The following STRAP variants were observed in gnomAD, a reference collection of about 807,000 sequenced individuals.
STRAP encodes serine/threonine kinase receptor associated protein.
Under a neutral mutation model 47.0 loss-of-function variants are expected in STRAP, and 16 were observed. The ratio of observed to expected loss-of-function variants is 0.34; its 90% CI spans 0.23 to 0.52. STRAP has a LOEUF of 0.52. Among genes scored for constraint, STRAP ranks in the 20% least tolerant of loss-of-function variants. The pLI, the probability that STRAP is intolerant of heterozygous loss-of-function variation, is 0.96. For synonymous variants in STRAP, 130 were observed against 142.7 expected (o/e 0.91, Z 0.63); for missense variants, 293 against 420.0 (o/e 0.70, Z 2.64).
intron 6 of STRAP, among the ~76,000 whole-genome samples, 169 bp from the exon 7 acceptor site, chr12:15,897,713 A>ATTTT (rs367620027): frequency 8.4e-6 from 1 of 118,716 alleles, no homozygotes; most frequent in South Asian, 2.7e-4. Context: ...TATCCATTTG[A>ATTTT]TTTTTTTTTT....
intron 9 of STRAP, among the ~76,000 whole-genome samples, chr12:15,901,528 G>A (rs953138863): frequency 3.9e-5 from 6 of 152,180 alleles, no homozygotes; most frequent in Admixed American, 2.6e-4. Context: ...CAAAGGCAAA[G>A]TGAAGCTGGA....
Position 15,903,086 on chromosome 12 carries a change from TAATGAGGAAAATG to T in STRAP, c.*112_*124del, listed in dbSNP as rs1339747678. The T allele has an allele frequency of 1.6e-6, 2 of 1,242,222 alleles. No homozygotes were observed. The highest frequency in any genetic ancestry group is 5.1e-5 in the East Asian group (2 of 38,952). The allele number at this position is 1,242,222 out of a possible 1,614,324, so 76.9% of individuals were successfully genotyped here. On this transcript the variant is annotated 3_prime_UTR_variant, in exon 10 of 10. Transcript: ENST00000419869. ...TGCTTAAGGCAGAAACAGCAGTAAA[TAATGAGGAAAATG>T]AATTAGCTCCAGTGCTGGAACAACT...
intron 9 of STRAP, among the ~76,000 whole-genome samples, chr12:15,902,595 C>T (rs1473250800): frequency 6.6e-6 from 1 of 152,178 alleles, no homozygotes; most frequent in Non-Finnish European, 1.5e-5. Context: ...GGGCCAGATC[C>T]TTCGAAGACA....
intron 1 of STRAP, 120 bp downstream of exon 1, chr12:15,882,939 C>T: frequency 7.4e-7 from 1 of 1,343,404 alleles, no homozygotes; most frequent in Non-Finnish European, 1.0e-6. Flanking sequence ...ATATTAACAT[C>T]TGAGATGAGA....
At chr12:15,884,377 C>A (rs140333737) in intron 2 of STRAP, among the ~76,000 whole-genome samples, 23 of 152,258 alleles carry the variant, frequency 1.5e-4, no homozygotes, top group Non-Finnish European at 2.8e-4. Context: ...CATGTCACTT[C>A]TCTACTAATG....
chr12:15,897,734 C>A (rs1342984834), intron 6 of STRAP, 148 bp from the exon 7 acceptor site: 6 of 280,534 alleles, frequency 2.1e-5, no homozygotes, highest in South Asian at 1.3e-4. Context: ...TTTTTTTTTG[C>A]TAACAGCTTT....
intron 9 of STRAP, among the ~76,000 whole-genome samples, chr12:15,902,228 T>C (rs1948109927): frequency 6.6e-6 from 1 of 152,122 alleles, no homozygotes; most frequent in Non-Finnish European, 1.5e-5. Flanking sequence ...CACCTCGGCC[T>C]CCCAAAGTGC....
At chr12:15,902,864 T>G in intron 9 of STRAP, 53 bp from the exon 10 acceptor site, 1 of 1,490,154 alleles carries the variant, frequency 6.7e-7, no homozygotes, top group Non-Finnish European at 8.9e-7. Context: ...CTTCTTTCTT[T>G]CATTAAGTTG....
rs1048228893 is a variant in STRAP at position 15,890,267 on chromosome 12, C to A, written c.330+258C>A. The stretch of plus-strand genomic sequence containing the variant: ...AAAAACATCTGAAAAGCTCAAGTAG[C>A]CTTCCCCAACTACTAATAGAAGGGA... On this transcript the variant is annotated intron_variant, in intron 3 of 9. Coordinates refer to ENST00000419869, the MANE Select transcript of STRAP (RefSeq NM_007178.4). The surrounding 1 kb of genome is among the most constrained non-coding windows in gnomAD (Gnocchi z 4.5). Among the ~76,000 whole-genome samples, 1 of 152,108 alleles carries A rather than the reference C, an allele frequency of 6.6e-6. No individual in the cohort carries two copies. The highest frequency in any genetic ancestry group is 1.9e-4 in the East Asian group (1 of 5,190).
At chr12:15,898,467 T>C (rs910734268) in intron 7 of STRAP, among the ~76,000 whole-genome samples, 2 of 152,134 alleles carry the variant, frequency 1.3e-5, no homozygotes, top group African/African-American at 4.8e-5. Flanking sequence ...AAGAACAGTG[T>C]GTGGGGGAAA....
chr12:15,896,542 GTT>G lies in STRAP; in HGVS notation c.638+1056_638+1057del, dbSNP rs371747383. 6.9e-6 allele frequency among the ~76,000 whole-genome samples: 1 copy of G among 145,354 alleles called. No homozygotes were observed. The highest frequency in any genetic ancestry group is 2.5e-5 in the African/African-American group (1 of 39,760). ...ATATATGTGGGTGTACAGTATTTGT[GTT>G]TTTTTTTTTAATTACTAGGACCATA... is the stretch of plus-strand genomic sequence containing the variant. On this transcript the variant is annotated intron_variant, in intron 6 of 9. Coordinates refer to ENST00000419869, the MANE Select transcript of STRAP (RefSeq NM_007178.4). This position sits in a 1 kb window ranked among gnomAD's most constrained non-coding sequence, Gnocchi z 4.1.
chr12:15,885,206 A>T lies in STRAP; in HGVS notation c.248+1530A>T, dbSNP rs1450715469. 8.9e-3 allele frequency among the ~76,000 whole-genome samples: 811 copies of T among 91,624 alleles called. 8 individuals carry two copies. The highest frequency in any genetic ancestry group is 0.047 in the African/African-American group (767 of 16,470). The allele number at this position is 91,624 out of a possible 152,430, so 60.1% of individuals were successfully genotyped here. A position where few individuals can be genotyped will look rare whatever the true frequency, so the allele number is the denominator to read the frequency against. ...TTTTTTTTTTTTTTTTTTTTTTTTT[A>T]AAGACAGAGTCTTGCTATGTCCCCA... On this transcript the variant is annotated intron_variant, in intron 2 of 9. Transcript: ENST00000419869.
At position 15,895,487 on chromosome 12, in the gene STRAP, G is replaced by A; in HGVS notation, c.629G>A (p.Ser210Asn). 1 of 1,597,134 alleles carries A rather than the reference G, an allele frequency of 6.3e-7. No individual in the cohort carries two copies. The highest frequency in any genetic ancestry group is 8.5e-7 in the Non-Finnish European group (1 of 1,175,536). The stretch of plus-strand genomic sequence containing the variant: ...TATGGACGATCTATTGCTTTTCATA[G>A]TGCAGTAAGGTATGTCCAAGAAATA... ...ITYGRSIAFH[S>N]AVSLDPIKSF... The change falls in exon 6 of 10, where the codon AGT becomes AAT. Residue 210 changes from serine to asparagine, a missense_variant. Ser to Asn is a conservative substitution (Grantham distance 46). Transcript: ENST00000419869.
Position 15,903,012 on chromosome 12 carries a change from A to C in STRAP, c.*34A>C. ...CATATGTGCAGTTAGTATACAACTG[A>C]CTAAAACAAGCAAGCAGAGAAAAGC... On this transcript the variant is annotated 3_prime_UTR_variant, in exon 10 of 10. Transcript: ENST00000419869. 1 of 1,464,562 alleles carries C rather than the reference A, an allele frequency of 6.8e-7. No homozygotes were observed. The highest frequency in any genetic ancestry group is 9.0e-7 in the Non-Finnish European group (1 of 1,111,818). The allele number at this position is 1,464,562 out of a possible 1,614,324, so 90.7% of individuals were successfully genotyped here.
Position 15,890,272 on chromosome 12 carries a change from C to T in STRAP, c.330+263C>T, listed in dbSNP as rs1948004299. Among the ~76,000 whole-genome samples the T allele has an allele frequency of 6.6e-6, 1 of 152,066 alleles. No individual in the cohort carries two copies. The highest frequency in any genetic ancestry group is 2.1e-4 in the South Asian group (1 of 4,826). On this transcript the variant is annotated intron_variant, in intron 3 of 9. Coordinates refer to ENST00000419869, the MANE Select transcript of STRAP (RefSeq NM_007178.4). The surrounding 1 kb of genome is among the most constrained non-coding windows in gnomAD (Gnocchi z 4.5). ...CATCTGAAAAGCTCAAGTAGCCTTC[C>T]CCAACTACTAATAGAAGGGAGAAGA...
Position 15,883,556 on chromosome 12 carries a change from T to A in STRAP, c.128T>A (p.Leu43Gln). 1 of 1,613,696 alleles carries A rather than the reference T, an allele frequency of 6.2e-7. No individual in the cohort carries two copies. The highest frequency in any genetic ancestry group is 8.5e-7 in the Non-Finnish European group (1 of 1,180,014). ...TATTTTCTAGATGGTAAACCTATGC[T>A]ACGCCAGGGAGATACAGGAGACTGG... ...ISACKDGKPM[L>Q]RQGDTGDWIG... The change falls in exon 2 of 10, where the codon CTA (leucine) becomes CAA (glutamine). Residue 43 changes from leucine to glutamine, a missense_variant. This residue lies in a region of STRAP where 32 missense variants were observed against 76.1 expected (regional missense o/e 0.42). Transcript: ENST00000419869.
intron 1 of STRAP, 29 bp from the exon 2 acceptor site, chr12:15,883,512 A>C (rs756084980): frequency 1.3e-6 from 2 of 1,597,470 alleles, no homozygotes; most frequent in Non-Finnish European, 1.7e-6. Context: ...TGAACTTATA[A>C]ATTACATGTT....
chr12:15,895,750 C>T (rs1360725549), intron 6 of STRAP, among the ~76,000 whole-genome samples: 1 of 147,938 alleles, frequency 6.8e-6, no homozygotes, highest in Non-Finnish European at 1.5e-5. Context: ...AGTCCAGCTG[C>T]TTGGGAGGCT....
At chr12:15,888,165 A>G (rs558644261) in intron 2 of STRAP, among the ~76,000 whole-genome samples, 17 of 152,360 alleles carry the variant, frequency 1.1e-4, no homozygotes, top group African/African-American at 4.1e-4. Flanking sequence ...AGTTTCAAAG[A>G]AAAGATAGCA....
Sources: allele counts gnomAD v4.1 joint callset (sites outside exome capture counted in the v4.1 genomes callset), GRCh38; gene constraint gnomAD v4.1.1; regional missense constraint gnomAD v4.1.1; non-coding constraint Gnocchi (gnomAD v3.1); transcripts MANE v1.5; gene names NCBI Gene and HGNC (gene_info 2026-07-23, HGNC 2026-07-21).